CAMK1D: variants seen among roughly 807,000 people sequenced by gnomAD.
CAMK1D encodes the protein calcium/calmodulin-dependent protein kinase type 1D.
CAMK1D carries 9 observed loss-of-function variants against 47.7 expected under a neutral mutation model. The ratio of observed to expected loss-of-function variants is 0.19; its 90% CI spans 0.11 to 0.33. The LOEUF is 0.33. CAMK1D is among the 10% of genes least tolerant of loss of function. CAMK1D has a pLI of 1.00. For synonymous variants in CAMK1D, 184 were observed against 184.9 expected (o/e 0.99, Z 0.04); for missense variants, 291 against 488.7 (o/e 0.60, Z 3.81).
intron 2 of CAMK1D, among the ~76,000 whole-genome samples, chr10:12,606,314 G>A (rs992875775): frequency 1.3e-5 from 2 of 152,204 alleles, no homozygotes; most frequent in African/African-American, 4.8e-5. Context: ...AGGGATGCCA[G>A]GCGACCCCGG....
chr10:12,426,568 G>A (rs556386530), intron 1 of CAMK1D, among the ~76,000 whole-genome samples: 16 of 151,704 alleles, frequency 1.1e-4, no homozygotes, highest in South Asian at 6.3e-4. Flanking sequence ...TTTTGAGACA[G>A]GATCTTACTC....
intron 1 of CAMK1D, among the ~76,000 whole-genome samples, chr10:12,455,473 C>G (rs755530965): frequency 6.6e-6 from 1 of 152,216 alleles, no homozygotes; most frequent in African/African-American, 2.4e-5. Flanking sequence ...TATGTCCAGC[C>G]TGGTAATCAC....
chr10:12,396,092 T>TC (rs1838942535), intron 1 of CAMK1D, among the ~76,000 whole-genome samples: 7 of 152,090 alleles, frequency 4.6e-5, no homozygotes, highest in Admixed American at 4.6e-4. Context: ...CAGGCTGGCC[T>TC]CCAACTCCTG....
At chr10:12,586,152 A>G (rs1316596463) in intron 2 of CAMK1D, among the ~76,000 whole-genome samples, 1 of 152,248 alleles carries the variant, frequency 6.6e-6, no homozygotes, top group Admixed American at 6.5e-5. Flanking sequence ...TTCTCCCACC[A>G]AACCTGGAGA....
At chr10:12,613,076 C>A (rs946759597) in intron 2 of CAMK1D, among the ~76,000 whole-genome samples, 1 of 152,168 alleles carries the variant, frequency 6.6e-6, no homozygotes, top group African/African-American at 2.4e-5. Context: ...ATTGAACCTT[C>A]ACTTTTCCCT....
intron 1 of CAMK1D, among the ~76,000 whole-genome samples, chr10:12,414,333 A>G (rs1288213667): frequency 1.3e-5 from 2 of 152,248 alleles, no homozygotes; most frequent in East Asian, 3.8e-4. Context: ...GTGAGTTTAC[A>G]AAGAAGACAG....
chr10:12,712,016 G>C (rs1478959385), intron 3 of CAMK1D, among the ~76,000 whole-genome samples: 1 of 152,212 alleles, frequency 6.6e-6, no homozygotes, highest in Non-Finnish European at 1.5e-5. Context: ...TGGAAAATGT[G>C]ATCGGCAAAT....
chr10:12,609,886 A>G (rs1838570901), intron 2 of CAMK1D, among the ~76,000 whole-genome samples: 1 of 152,202 alleles, frequency 6.6e-6, no homozygotes, highest in Non-Finnish European at 1.5e-5. Flanking sequence ...GGGAAAGATC[A>G]GCTCTCAAAC....
intron 3 of CAMK1D, among the ~76,000 whole-genome samples, chr10:12,714,805 C>CAA (rs1554815627): frequency 1.2e-4 from 18 of 149,030 alleles, no homozygotes; most frequent in African/African-American, 4.0e-4. Context: ...CACACACACA[C>CAA]AATGTCTGAT....
intron 3 of CAMK1D, among the ~76,000 whole-genome samples, chr10:12,694,781 G>A (rs1588807413): frequency 1.3e-5 from 2 of 151,456 alleles, no homozygotes; most frequent in Admixed American, 1.3e-4. Context: ...GGCCTACAAA[G>A]GAACAGGCAT....
intron 5 of CAMK1D, among the ~76,000 whole-genome samples, chr10:12,771,360 C>T (rs2130935731): frequency 6.6e-6 from 1 of 152,362 alleles, no homozygotes; most frequent in Middle Eastern, 3.4e-3. Context: ...TCCACAGAAC[C>T]TTCCCAGGCA....
chr10:12,786,925 C>A (rs1837750083), intron 5 of CAMK1D, among the ~76,000 whole-genome samples: 1 of 152,180 alleles, frequency 6.6e-6, no homozygotes, highest in South Asian at 2.1e-4. Context: ...GAGTTAGAGA[C>A]CAGCTTGGCC....
At chr10:12,771,089 C>G (rs1348818180) in intron 5 of CAMK1D, among the ~76,000 whole-genome samples, 1 of 152,040 alleles carries the variant, frequency 6.6e-6, no homozygotes, top group Non-Finnish European at 1.5e-5. Flanking sequence ...GCCACCATGT[C>G]AGGCTAATTT....
At chr10:12,402,130 C>T (rs2131918931) in intron 1 of CAMK1D, among the ~76,000 whole-genome samples, 1 of 151,690 alleles carries the variant, frequency 6.6e-6, no homozygotes, top group East Asian at 1.9e-4. Flanking sequence ...TTAATAGAGA[C>T]AGGGTTTTGC....
At chr10:12,598,333 C>T (rs867806869) in intron 2 of CAMK1D, among the ~76,000 whole-genome samples, 2 of 152,348 alleles carry the variant, frequency 1.3e-5, no homozygotes, top group South Asian at 2.1e-4. Context: ...GGGATTGTTT[C>T]ATTTCCTGCA....
At chr10:12,821,184 G>A (rs983782939) in intron 8 of CAMK1D, among the ~76,000 whole-genome samples, 1 of 152,184 alleles carries the variant, frequency 6.6e-6, no homozygotes, top group African/African-American at 2.4e-5. Context: ...TGTTTTTCAT[G>A]AGGGCCGTCG....
intron 2 of CAMK1D, among the ~76,000 whole-genome samples, chr10:12,650,812 C>G (rs910393581): frequency 4.6e-5 from 7 of 152,142 alleles, no homozygotes; most frequent in African/African-American, 1.7e-4. Context: ...GACACTTAGT[C>G]CACCAGCAGC....
At chr10:12,782,981 GT>G (rs869155068) in intron 5 of CAMK1D, among the ~76,000 whole-genome samples, 4 of 134,852 alleles carry the variant, frequency 3.0e-5, no homozygotes, top group African/African-American at 8.4e-5. Flanking sequence ...AGTATTTTCA[GT>G]TTTTTTTTTT....
At chr10:12,685,565 A>C (rs1416135801) in intron 3 of CAMK1D, among the ~76,000 whole-genome samples, 1 of 152,038 alleles carries the variant, frequency 6.6e-6, no homozygotes, top group Non-Finnish European at 1.5e-5. Context: ...TAGGAAATTG[A>C]CCCCAGCCCT....
Sources: gnomAD v4.1 joint callset for allele counts (sites outside exome capture counted in the v4.1 genomes callset) on GRCh38, gnomAD v4.1.1 for gene constraint, MANE v1.5 for transcripts, NCBI Gene and HGNC (gene_info 2026-07-23, HGNC 2026-07-21) for gene names.